The following PTPRD variants were observed in gnomAD, a reference collection of about 807,000 sequenced individuals.
The protein encoded by PTPRD is protein tyrosine phosphatase receptor type D.
In PTPRD, 34 loss-of-function variants were observed where a neutral mutation model predicts 214.5. The observed-to-expected ratio is 0.16, with a 90% CI of 0.12 to 0.21. The LOEUF (loss-of-function observed/expected upper bound fraction) is 0.21. Ranked by LOEUF, PTPRD falls within the 10% of genes least tolerant of loss-of-function variation. The pLI, the probability that PTPRD is intolerant of heterozygous loss-of-function variation, is 1.00. For missense variants in PTPRD, 2,545 were observed against 2,398.7 expected (o/e 1.06, Z -1.27); for synonymous variants, 1,128 against 845.7 (o/e 1.33, Z -5.79).
At chr9:8,573,381 T>G (rs1298555416) in intron 14 of PTPRD, among the ~76,000 whole-genome samples, 1 of 151,962 alleles carries the variant, frequency 6.6e-6, no homozygotes, top group Non-Finnish European at 1.5e-5. Flanking sequence ...TAATCTATAA[T>G]AGAACACTGC....
At chr9:9,832,377 C>G (rs900574954) in intron 5 of PTPRD, among the ~76,000 whole-genome samples, 4 of 151,778 alleles carry the variant, frequency 2.6e-5, no homozygotes, top group African/African-American at 9.7e-5. Flanking sequence ...TTTTCAGGAC[C>G]AAAATAATAG....
intron 2 of PTPRD, among the ~76,000 whole-genome samples, chr9:10,489,742 T>C (rs1290630409): frequency 2.0e-5 from 3 of 152,116 alleles, no homozygotes; most frequent in African/African-American, 7.2e-5. Flanking sequence ...TGGTTAGTTA[T>C]CAGCTGAGTT....
chr9:8,369,869 G>A (rs571692062), intron 39 of PTPRD, among the ~76,000 whole-genome samples: 1 of 151,846 alleles, frequency 6.6e-6, no homozygotes, highest in African/African-American at 2.4e-5. Flanking sequence ...TGAAATTACA[G>A]CTTTTTCCCA....
intron 2 of PTPRD, among the ~76,000 whole-genome samples, chr9:10,500,648 C>T (rs1426918539): frequency 1.3e-5 from 2 of 151,650 alleles, no homozygotes; most frequent in Admixed American, 6.6e-5. Context: ...TCTTTTCATC[C>T]TTTCTAGTTT....
chr9:8,708,183 C>G (rs1253714146), intron 12 of PTPRD, among the ~76,000 whole-genome samples: 1 of 152,114 alleles, frequency 6.6e-6, no homozygotes, highest in South Asian at 2.1e-4. Context: ...TATACCATGT[C>G]TCAGCCAATG....
rs528212735 is a variant in PTPRD at position 9,763,153 on chromosome 9, C to T, written c.-326+3657G>A. ...CCTCTTCAAAACCCTGTCTTTATAG[C>T]AGCTGTGTTAGAAGTTATTCAATGG... On this transcript the variant is annotated intron_variant, in intron 6 of 45. Transcript: ENST00000381196. Among the ~76,000 whole-genome samples, 5 of 152,286 alleles carry T rather than the reference C, an allele frequency of 3.3e-5. No homozygotes were observed. In the South Asian group the frequency reaches 8.3e-4, roughly 25 times the overall value.
intron 7 of PTPRD, among the ~76,000 whole-genome samples, chr9:9,619,581 T>A (rs981989848): frequency 5.5e-5 from 8 of 146,202 alleles, no homozygotes; most frequent in Non-Finnish European, 1.2e-4. Flanking sequence ...GATTAATATA[T>A]CATATATGTT....
chr9:10,204,438 G>A (rs954597367), intron 3 of PTPRD, among the ~76,000 whole-genome samples: 3 of 152,050 alleles, frequency 2.0e-5, no homozygotes, highest in Non-Finnish European at 2.9e-5. Flanking sequence ...CCCATCTGAT[G>A]GGGAAGGACC....
At chr9:10,211,946 T>C (rs963892161) in intron 3 of PTPRD, among the ~76,000 whole-genome samples, 1 of 152,164 alleles carries the variant, frequency 6.6e-6, no homozygotes, top group East Asian at 1.9e-4. Context: ...TCCTTAAATG[T>C]ATACAACATT....
At chr9:8,496,383 A>C (rs2097271763) in intron 26 of PTPRD, among the ~76,000 whole-genome samples, 1 of 152,166 alleles carries the variant, frequency 6.6e-6, no homozygotes, top group African/African-American at 2.4e-5. Context: ...TGTAGGCCAT[A>C]TATTTTGCTG....
At chr9:8,954,671 ATTAG>A (rs1347110568) in intron 11 of PTPRD, among the ~76,000 whole-genome samples, 1 of 151,804 alleles carries the variant, frequency 6.6e-6, no homozygotes, top group East Asian at 1.9e-4. Flanking sequence ...AAACCAACAT[ATTAG>A]TTTGTATGCA....
intron 27 of PTPRD, among the ~76,000 whole-genome samples, chr9:8,486,610 T>G (rs1039340935): frequency 1.3e-5 from 2 of 152,228 alleles, no homozygotes; most frequent in Non-Finnish European, 2.9e-5. Flanking sequence ...AAGGGGATTT[T>G]TTTGACACCT....
chr9:9,170,512 T>C (rs1311014064), intron 10 of PTPRD, among the ~76,000 whole-genome samples: 2 of 152,194 alleles, frequency 1.3e-5, no homozygotes, highest in East Asian at 1.9e-4. Flanking sequence ...GTTACTACCT[T>C]GGTCAGTTCC....
intron 5 of PTPRD, among the ~76,000 whole-genome samples, chr9:9,820,170 A>G (rs1159692702): frequency 6.6e-6 from 1 of 152,164 alleles, no homozygotes; most frequent in Non-Finnish European, 1.5e-5. Flanking sequence ...ACTTCTTAGT[A>G]ATAACCATTC....
intron 4 of PTPRD, among the ~76,000 whole-genome samples, chr9:10,017,653 T>A (rs1015253940): frequency 6.6e-6 from 1 of 152,160 alleles, no homozygotes; most frequent in African/African-American, 2.4e-5. Flanking sequence ...TCAATTATCT[T>A]AGTACATATA....
intron 9 of PTPRD, among the ~76,000 whole-genome samples, chr9:9,362,709 T>A (rs2056619733): frequency 6.6e-6 from 1 of 151,284 alleles, no homozygotes; most frequent in African/African-American, 2.4e-5. Flanking sequence ...CTATCCATTG[T>A]TTCTTTAAAA....
intron 8 of PTPRD, among the ~76,000 whole-genome samples, chr9:9,520,719 C>G (rs1172931761): frequency 6.6e-6 from 1 of 152,174 alleles, no homozygotes; most frequent in Non-Finnish European, 1.5e-5. Flanking sequence ...CAAACAACTT[C>G]TCAACTTCTC....
intron 9 of PTPRD, among the ~76,000 whole-genome samples, chr9:9,236,781 G>C (rs73388879): frequency 0.022 from 3,351 of 151,898 alleles, 131 homozygotes; most frequent in African/African-American, 0.078. Context: ...CCAACCATAA[G>C]GTTGGGACCC....
At chr9:8,478,327 C>T (rs1445753071) in intron 30 of PTPRD, among the ~76,000 whole-genome samples, 1 of 152,138 alleles carries the variant, frequency 6.6e-6, no homozygotes, top group Non-Finnish European at 1.5e-5. Flanking sequence ...TATGAAGCAA[C>T]ACTGTAAGCC....
Sources: allele counts gnomAD v4.1 joint callset (sites outside exome capture counted in the v4.1 genomes callset), GRCh38; gene constraint gnomAD v4.1.1; transcripts MANE v1.5; gene names NCBI Gene and HGNC (gene_info 2026-07-23, HGNC 2026-07-21).